Variants in DRC9 observed in about 807,000 individuals in gnomAD.
DRC9 encodes dynein regulatory complex subunit 9, also known as dynein regulatory complex protein 9.
chr3:197,954,569 G>T, the DRC9 span: 18 of 286,100 alleles, frequency 6.3e-5, no homozygotes, highest in African/African-American at 3.3e-4. Flanking sequence ...GAGTGCAGTG[G>T]CATGATCTCA....
the DRC9 span, chr3:197,950,078 G>A: frequency 8.4e-7 from 1 of 1,197,088 alleles, no homozygotes; most frequent in Non-Finnish European, 1.0e-6. Flanking sequence ...GCTTATTTCA[G>A]TGCGAAGCCG....
the DRC9 span, chr3:197,925,991 G>A: frequency 3.4e-5 from 37 of 1,074,848 alleles, no homozygotes; most frequent in East Asian, 4.0e-4. Context: ...GTGTTAGCTC[G>A]GTCACTTTTG....
chr3:197,950,757 G>A, the DRC9 span: 1 of 620,348 alleles, frequency 1.6e-6, no homozygotes, highest in Non-Finnish European at 2.8e-6. Context: ...GCTGTTCTCT[G>A]AGGTTTGAAT....
chr3:197,951,133 C>T, the DRC9 span: 3 of 1,613,676 alleles, frequency 1.9e-6, no homozygotes, highest in Non-Finnish European at 2.5e-6. Context: ...GCTTATGTTT[C>T]ATGTTGTGTA....
the DRC9 span, chr3:197,943,613 T>G: frequency 1.5e-6 from 1 of 654,118 alleles, no homozygotes; most frequent in Non-Finnish European, 2.5e-6. Context: ...CACTCCAGCT[T>G]AGGCCACAGA....
At chr3:197,892,925 T>C in the DRC9 span, among the ~76,000 whole-genome samples, 12 of 152,110 alleles carry the variant, frequency 7.9e-5, no homozygotes, top group African/African-American at 2.7e-4. Flanking sequence ...TGATTGGGAA[T>C]GGGGGTGAGG....
At chr3:197,941,170 TCCTCTCTCTCTCC>T in the DRC9 span, among the ~76,000 whole-genome samples, 9 of 135,476 alleles carry the variant, frequency 6.6e-5, no homozygotes, top group South Asian at 5.3e-4. Flanking sequence ...TTCCTCTCTC[TCCTCTCTCTCTCC>T]CCTCTCTCCT....
chr3:197,923,527 C>T, the DRC9 span, among the ~76,000 whole-genome samples: 4 of 152,218 alleles, frequency 2.6e-5, no homozygotes, highest in Admixed American at 1.3e-4. Context: ...CTCAGGAGTT[C>T]GAGATCAGCC....
the DRC9 span, among the ~76,000 whole-genome samples, chr3:197,900,153 G>A: frequency 1.3e-4 from 20 of 152,324 alleles, no homozygotes; most frequent in East Asian, 3.1e-3. This position sits in a 1 kb window ranked among gnomAD's most constrained non-coding sequence, Gnocchi z 4.7. Flanking sequence ...CTCGGGCTAC[G>A]CCGCTCTGGG....
At chr3:197,943,642 A>G in the DRC9 span, 27 of 878,362 alleles carry the variant, frequency 3.1e-5, no homozygotes, top group Non-Finnish European at 4.1e-5. Context: ...CTGTCAAAAA[A>G]AAAAAGAAAA....
At chr3:197,913,065 G>C in the DRC9 span, 132 of 286,124 alleles carry the variant, frequency 4.6e-4, no homozygotes, top group South Asian at 4.7e-4. Flanking sequence ...GTGCCAGGAA[G>C]AGTGTTGACG....
At chr3:197,900,854 A>G in the DRC9 span, among the ~76,000 whole-genome samples, 2 of 152,216 alleles carry the variant, frequency 1.3e-5, no homozygotes, top group Non-Finnish European at 2.9e-5. The surrounding 1 kb of genome is among the most constrained non-coding windows in gnomAD (Gnocchi z 4.7). Flanking sequence ...AAGGGAACCC[A>G]CTGCCTTGTA....
At chr3:197,926,694 T>A in the DRC9 span, among the ~76,000 whole-genome samples, 3 of 152,094 alleles carry the variant, frequency 2.0e-5, no homozygotes, top group African/African-American at 7.2e-5. Context: ...CATTATTAAG[T>A]GTGGCAGGAA....
chr3:197,955,888 C>T, the DRC9 span: 2 of 940,794 alleles, frequency 2.1e-6, no homozygotes, highest in East Asian at 2.4e-5. Context: ...AGAGGTTGCT[C>T]AGCATTTTTG....
chr3:197,900,260 G>T, the DRC9 span, among the ~76,000 whole-genome samples: 2 of 152,224 alleles, frequency 1.3e-5, no homozygotes, highest in African/African-American at 4.8e-5. This position sits in a 1 kb window ranked among gnomAD's most constrained non-coding sequence, Gnocchi z 4.7. Flanking sequence ...GGACTTGGGG[G>T]ACTTGGACCT....
chr3:197,902,457 C>CA, the DRC9 span, among the ~76,000 whole-genome samples: 13 of 151,816 alleles, frequency 8.6e-5, no homozygotes, highest in African/African-American at 3.1e-4. Flanking sequence ...TGAGGAAACT[C>CA]AAAGAAATTC....
chr3:197,944,008 A>C, the DRC9 span: 1 of 1,614,164 alleles, frequency 6.2e-7, no homozygotes, highest in Non-Finnish European at 8.5e-7. Flanking sequence ...GTCATCTCAG[A>C]ATGCCAAACT....
chr3:197,913,429 C>G, the DRC9 span: 1 of 266,860 alleles, frequency 3.7e-6, no homozygotes, highest in Non-Finnish European at 7.2e-6. Context: ...GCATTTTTCA[C>G]CGTGACTTCT....
chr3:197,921,007 G>A, the DRC9 span, among the ~76,000 whole-genome samples: 9 of 152,156 alleles, frequency 5.9e-5, no homozygotes, highest in African/African-American at 2.2e-4. Context: ...TTCCAACCTT[G>A]ACCTGACTAC....
Sources: allele counts gnomAD v4.1 joint callset (sites outside exome capture counted in the v4.1 genomes callset), GRCh38; gene constraint gnomAD v4.1.1; non-coding constraint Gnocchi (gnomAD v3.1); transcripts MANE v1.5; gene names NCBI Gene and HGNC (gene_info 2026-07-23, HGNC 2026-07-21).